Variants in COX14 observed in about 807,000 individuals in gnomAD.
The protein encoded by COX14 is cytochrome c oxidase assembly factor COX14, also known as cytochrome c oxidase assembly protein COX14.
COX14 carries 3 observed loss-of-function variants against 5.8 expected under a neutral mutation model. The ratio of observed to expected loss-of-function variants is 0.51; its 90% CI spans 0.23 to 1.33. The LOEUF is 1.33. COX14 is among the 40% of genes most tolerant of loss of function. COX14 has a pLI of 0.18. For missense variants in COX14, 72 were observed against 72.1 expected (o/e 1.00, Z 0.01); for synonymous variants, 25 against 26.1 (o/e 0.96, Z 0.13).
In COX14 at chr12:50,118,308, A is replaced by G. The variant is rs1241142543; in HGVS notation, c.-8-1728A>G. Among the ~76,000 whole-genome samples the G allele has an allele frequency of 4.0e-5, 6 of 148,624 alleles. No individual in the cohort carries two copies. Among genetic ancestry groups the G allele is most frequent in the African/African-American group, 1.5e-4 (6 of 40,174 alleles). ...GTGATCCACCCTCCTCGGCCTTCCA[A>G]AGTGCTGAGATTACAGGCGTGAGCC... On this transcript the variant is annotated intron_variant, in intron 1 of 1. Coordinates refer to ENST00000550487, the MANE Select transcript of COX14 (RefSeq NM_032901.4).
intron 1 of COX14, among the ~76,000 whole-genome samples, chr12:50,114,321 C>T (rs1441018557): frequency 6.7e-6 from 1 of 150,246 alleles, no homozygotes; most frequent in Non-Finnish European, 1.5e-5. Flanking sequence ...GCGATCTCAG[C>T]TCACCACAAC....
At chr12:50,114,846 C>A (rs1006684730) in intron 1 of COX14, among the ~76,000 whole-genome samples, 4 of 124,478 alleles carry the variant, frequency 3.2e-5, no homozygotes, top group African/African-American at 1.2e-4. Flanking sequence ...ACAGTGGCTG[C>A]AACTTCCGCC....
chr12:50,118,103 C>T (rs1397990381), intron 1 of COX14, among the ~76,000 whole-genome samples: 1 of 147,886 alleles, frequency 6.8e-6, no homozygotes, highest in Non-Finnish European at 1.5e-5. Context: ...CTGGAATGCA[C>T]TGGCGCAATC....
chr12:50,112,961 C>CT (rs1230783462), intron 1 of COX14: 4 of 125,436 alleles, frequency 3.2e-5, no homozygotes, highest in Non-Finnish European at 4.9e-5. Flanking sequence ...GAGACAGGGT[C>CT]TTGCTTTGTC....
chr12:50,120,391 T>G lies in COX14; in HGVS notation c.*174T>G. 1.7e-6 allele frequency: 1 copy of G among 599,170 alleles called. No individual in the cohort carries two copies. Among genetic ancestry groups the G allele is most frequent in the South Asian group, 2.3e-5 (1 of 44,398 alleles). The allele number at this position is 599,170 out of a possible 1,614,324, so 37.1% of individuals were successfully genotyped here. On this transcript the variant is annotated 3_prime_UTR_variant, in exon 2 of 2. Coordinates refer to ENST00000550487, the MANE Select transcript of COX14 (RefSeq NM_032901.4). ...CCAGTTTGACAGTTTATGGAGGCTT[T>G]TGAATCGTAATAGCAATGTGAGGGT...
At chr12:50,115,188 TGA>T (rs1219790694) in intron 1 of COX14, among the ~76,000 whole-genome samples, 1 of 150,754 alleles carries the variant, frequency 6.6e-6, no homozygotes, top group Non-Finnish European at 1.5e-5. Flanking sequence ...ATTACCAGTG[TGA>T]GCCACCATGC....
At chr12:50,113,207 T>C (rs1951046023) in intron 1 of COX14, among the ~76,000 whole-genome samples, 1 of 150,610 alleles carries the variant, frequency 6.6e-6, no homozygotes, top group East Asian at 2.0e-4. Context: ...AAACAAAAAG[T>C]AGATAAAAGA....
chr12:50,113,416 G>A (rs1951048982), intron 1 of COX14, among the ~76,000 whole-genome samples: 1 of 148,380 alleles, frequency 6.7e-6, no homozygotes, highest in Non-Finnish European at 1.5e-5. Context: ...CCATTCTCCT[G>A]CCTCAGCCTC....
chr12:50,116,771 A>C (rs1039190626), intron 1 of COX14, among the ~76,000 whole-genome samples: 1 of 152,166 alleles, frequency 6.6e-6, no homozygotes, highest in Non-Finnish European at 1.5e-5. Flanking sequence ...AAACCTGAAC[A>C]CAATCCTTTC....
At chr12:50,114,800 T>G (rs868799868) in intron 1 of COX14, among the ~76,000 whole-genome samples, 1,139 of 97,314 alleles carry the variant, frequency 0.012, 18 homozygotes, top group African/African-American at 0.047. Flanking sequence ...TTTTTTTTTT[T>G]TGAGATGGAG....
At chr12:50,115,742 G>A (rs1951075579) in intron 1 of COX14, among the ~76,000 whole-genome samples, 1 of 151,936 alleles carries the variant, frequency 6.6e-6, no homozygotes, top group Admixed American at 6.6e-5. Flanking sequence ...TGTAGAGACA[G>A]GGTTTCACCA....
At chr12:50,116,866 C>G (rs571707287) in intron 1 of COX14, among the ~76,000 whole-genome samples, 1 of 152,284 alleles carries the variant, frequency 6.6e-6, no homozygotes, top group East Asian at 1.9e-4. Flanking sequence ...TTCAAAGAAG[C>G]TGTGTCTCAG....
intron 1 of COX14, among the ~76,000 whole-genome samples, chr12:50,115,189 G>C (rs1251272197): frequency 6.6e-6 from 1 of 150,576 alleles, no homozygotes; most frequent in Admixed American, 6.6e-5. Context: ...TTACCAGTGT[G>C]AGCCACCATG....
chr12:50,113,089 G>C (rs535580782), intron 1 of COX14, among the ~76,000 whole-genome samples: 1 of 151,450 alleles, frequency 6.6e-6, no homozygotes, highest in East Asian at 1.9e-4. Flanking sequence ...TGCCCAACCT[G>C]GTCTCCAACT....
At position 50,119,954 on chromosome 12, in the gene COX14, G is replaced by T; in HGVS notation, c.-8-82G>T. On this transcript the variant is annotated intron_variant, in intron 1 of 1. Coordinates refer to ENST00000550487, the MANE Select transcript of COX14 (RefSeq NM_032901.4). Reference sequence around the variant, plus strand: ...CAGACAGACCAAGCAGGATGCAGAAGTTATGGAATGGCGTTAAACAGGGAG... The same window carrying T: ...CAGACAGACCAAGCAGGATGCAGAATTTATGGAATGGCGTTAAACAGGGAG... The T allele has an allele frequency of 2.7e-6, 3 of 1,112,764 alleles. No homozygotes were observed. The South Asian group carries it at 3.7e-5, about 14-fold the overall frequency. 68.9% of individuals were successfully genotyped at this position (1,112,764 alleles called of 1,614,324 possible).
chr12:50,120,077 T>C lies in COX14; in HGVS notation c.34T>C (p.Tyr12His). ...TGGCAAGCAGCTAGCTGACATTGGC[T>C]ATAAGACCTTCTCTACCTCCATGAT... ...PTGKQLADIG[Y>H]KTFSTSMMLL... The change falls in exon 2 of 2, where the codon TAT (tyrosine) becomes CAT (histidine). Residue 12 changes from tyrosine to histidine, a missense_variant. Physicochemically the swap from Tyr to His is moderately conservative, Grantham distance 83 (BLOSUM62 2). Transcript: ENST00000550487. 1 of 1,614,158 alleles carries C rather than the reference T, an allele frequency of 6.2e-7. No homozygotes were observed. Among genetic ancestry groups the C allele is most frequent in the Non-Finnish European group, 8.5e-7 (1 of 1,179,974 alleles).
At chr12:50,115,762 G>C (rs891897976) in intron 1 of COX14, among the ~76,000 whole-genome samples, 16 of 151,758 alleles carry the variant, frequency 1.1e-4, no homozygotes, top group African/African-American at 3.9e-4. Flanking sequence ...ATGTTGCCCA[G>C]GCTGGTCTCA....
In COX14 at chr12:50,120,281, C is replaced by A; in HGVS notation, c.*64C>A. 2 of 1,368,434 alleles carry A rather than the reference C, an allele frequency of 1.5e-6. No individual in the cohort carries two copies. The highest frequency in any genetic ancestry group is 2.0e-6 in the Non-Finnish European group (2 of 986,894). 84.8% of individuals were successfully genotyped at this position (1,368,434 alleles called of 1,614,324 possible). A position where few individuals can be genotyped will look rare whatever the true frequency, so the allele number is the denominator to read the frequency against. Reference sequence around the variant, plus strand: ...GCATGCTGTGGAGAGACTTCACCTGCCACCATTTCCAGGTCAACAGGACTA... The same window carrying A: ...GCATGCTGTGGAGAGACTTCACCTGACACCATTTCCAGGTCAACAGGACTA... On this transcript the variant is annotated 3_prime_UTR_variant, in exon 2 of 2. Transcript: ENST00000550487.
chr12:50,114,747 T>C (rs1056433892), intron 1 of COX14, among the ~76,000 whole-genome samples: 15 of 149,376 alleles, frequency 1.0e-4, no homozygotes, highest in African/African-American at 3.7e-4. Flanking sequence ...CATCATCACA[T>C]GAATGTTGTG....
Sources: allele counts gnomAD v4.1 joint callset (sites outside exome capture counted in the v4.1 genomes callset), GRCh38; gene constraint gnomAD v4.1.1; transcripts MANE v1.5; gene names NCBI Gene and HGNC (gene_info 2026-07-23, HGNC 2026-07-21).